The following NAT9 variants were observed in gnomAD, a reference collection of about 807,000 sequenced individuals.
NAT9 encodes the protein alpha/beta-tubulin-N-acetyltransferase 9.
In NAT9, 18 loss-of-function variants were observed where a neutral mutation model predicts 24.0. The observed-to-expected ratio is 0.75, with a 90% CI of 0.52 to 1.11. The LOEUF (loss-of-function observed/expected upper bound fraction) is 1.11, where lower values mean the gene tolerates loss of function less well. NAT9 is among the 50% of genes most tolerant of loss of function. The pLI is 0.00. For synonymous variants in NAT9, 104 were observed against 102.3 expected, an observed-to-expected ratio of 1.02 and a Z score of -0.10; for missense variants, 254 against 258.6, an observed-to-expected ratio of 0.98 and a Z score of 0.12.
intron 4 of NAT9, 54 bp from the exon 5 acceptor site, chr17:74,772,331 GCACTTGGCAGA>G: frequency 6.3e-7 from 1 of 1,599,740 alleles, no homozygotes; most frequent in South Asian, 1.1e-5. Context: ...TCCAGTGCGG[GCACTTGGCAGA>G]CACCATCTCA....
intron 3 of NAT9, chr17:74,773,272 G>A (rs878905): frequency 0.5 from 299,565 of 602,250 alleles, 75,803 homozygotes; most frequent in Admixed American, 0.54. Flanking sequence ...ACAGAGGAGG[G>A]CAGTCACCAC....
At chr17:74,774,636 C>T (rs1385964909) in intron 2 of NAT9, among the ~76,000 whole-genome samples, 1 of 150,430 alleles carries the variant, frequency 6.6e-6, no homozygotes, top group Non-Finnish European at 1.5e-5. Context: ...CTGTAAGCTC[C>T]GCCTCCCGGG....
intron 4 of NAT9, 72 bp from the exon 5 acceptor site, chr17:74,772,349 CTCATT>C: frequency 1.9e-6 from 3 of 1,576,332 alleles, no homozygotes; most frequent in South Asian, 2.3e-5. Flanking sequence ...CAGACACCAT[CTCATT>C]TAATTCTCAA....
intron 4 of NAT9, chr17:74,772,544 A>G: frequency 7.1e-7 from 1 of 1,407,288 alleles, no homozygotes; most frequent in Non-Finnish European, 9.2e-7. Flanking sequence ...GAAACTGAGG[A>G]CCATGAAGGA....
At chr17:74,773,213 C>A in intron 3 of NAT9, 174 bp from the exon 4 acceptor site, 1 of 804,624 alleles carries the variant, frequency 1.2e-6, no homozygotes, top group Non-Finnish European at 1.9e-6. Flanking sequence ...CTGCCTCATA[C>A]AGAAAAAGCC....
Position 74,773,660 on chromosome 17 carries a change from C to T in NAT9, c.106G>A (p.Glu36Lys). The T allele has an allele frequency of 1.2e-6, 2 of 1,614,088 alleles. No homozygotes were observed. The highest frequency in any genetic ancestry group is 8.5e-7 in the Non-Finnish European group (1 of 1,180,004). Residue 36 changes from glutamate (E) to lysine (K), a missense_variant, in exon 3 of 7, where the codon GAG becomes AAG. By Grantham distance (56) the Glu-to-Lys change is moderately conservative. Transcript: ENST00000357814. Reference protein sequence around the residue: ...SRYHEWMKSEELQRLTASEPL... With the variant: ...SRYHEWMKSEKLQRLTASEPL... ...TCCGAGGCTGTCAAACGCTGCAGCT[C>T]CTCTGATTTCATCCACTCGTGGTAC...
rs540280562 is a variant in NAT9 at position 74,773,045 on chromosome 17, G to A, written c.191-6C>T. 5.0e-6 allele frequency: 8 copies of A among 1,613,522 alleles called. No individual in the cohort carries two copies. Among genetic ancestry groups the A allele is most frequent in the Admixed American group, 3.3e-5 (2 of 59,974 alleles). On this transcript the variant is annotated splice_region_variant and splice_polypyrimidine_tract_variant and intron_variant, in intron 3 of 6. Coordinates refer to ENST00000357814, the MANE Select transcript of NAT9 (RefSeq NM_015654.5). ...CAGCACAATGAAGGTACACTCTGAGGAGGAGGTGACAGGGCTATCACACAC... is the reference window on the plus strand; with the variant it reads ...CAGCACAATGAAGGTACACTCTGAGAAGGAGGTGACAGGGCTATCACACAC...
chr17:74,772,780 C>T, intron 4 of NAT9, 116 bp downstream of exon 4: 1 of 1,480,092 alleles, frequency 6.8e-7, no homozygotes, highest in Non-Finnish European at 9.2e-7. Flanking sequence ...CCTGGACTCA[C>T]CACATGGAGC....
intron 2 of NAT9, among the ~76,000 whole-genome samples, chr17:74,774,621 G>A (rs1304879317): frequency 6.7e-6 from 1 of 149,958 alleles, no homozygotes; most frequent in African/African-American, 2.5e-5. Context: ...CGCGATCTCG[G>A]CTCACTGTAA....
In NAT9 at chr17:74,773,008, C is replaced by T; in HGVS notation, c.222G>A (p.Lys74=). ...KCTFIVLDAE[K]WQAQPGATEE... ...CGGTGGCGCCTGGCTGGGCCTGCCA[C>T]TTCTCGGCATCCAGCACAATGAAGG... is the stretch of plus-strand genomic sequence containing the variant. The change falls in exon 4 of 7, where the codon AAG becomes AAA. Residue 74 remains lysine, a synonymous_variant. Transcript: ENST00000357814. 5.0e-6 allele frequency: 8 copies of T among 1,614,096 alleles called. No individual in the cohort carries two copies. Among genetic ancestry groups the T allele is most frequent in the Non-Finnish European group, 2.5e-6 (3 of 1,180,010 alleles).
chr17:74,772,855 G>C (rs774972887), intron 4 of NAT9, 41 bp downstream of exon 4: 1 of 1,612,130 alleles, frequency 6.2e-7, no homozygotes, highest in South Asian at 1.1e-5. Context: ...GCAGATCTGA[G>C]AGCCGGGAGT....
In NAT9 at chr17:74,771,462, C is replaced by G. The variant is rs1275240714; in HGVS notation, c.*262G>C. ...TCATCCCGACATCTCCCATGGATCC[C>G]TGCCCTCCATTCCAGCTTCCTAGAG... On this transcript the variant is annotated 3_prime_UTR_variant, in exon 7 of 7. Transcript: ENST00000357814. The G allele has an allele frequency of 1.8e-6, 1 of 561,770 alleles. No individual in the cohort carries two copies. The highest frequency in any genetic ancestry group is 3.1e-5 in the East Asian group (1 of 32,722). The allele number at this position is 561,770 out of a possible 1,614,324, so 34.8% of individuals were successfully genotyped here. A position where few individuals can be genotyped will look rare whatever the true frequency, so the allele number is the denominator to read the frequency against.
chr17:74,772,512 G>A, intron 4 of NAT9: 1 of 1,419,678 alleles, frequency 7.0e-7, no homozygotes, highest in Non-Finnish European at 9.2e-7. Flanking sequence ...GCCTCATGGG[G>A]ATAGTCAGTA....
intron 1 of NAT9, 58 bp from the exon 2 acceptor site, chr17:74,775,765 G>A: frequency 6.8e-7 from 1 of 1,476,002 alleles, no homozygotes. Flanking sequence ...CCAACTTTGG[G>A]TAGGCGCTCC....
At chr17:74,775,851 T>C in intron 1 of NAT9, 144 bp from the exon 2 acceptor site, 1 of 570,306 alleles carries the variant, frequency 1.8e-6, no homozygotes, top group Non-Finnish European at 3.1e-6. Flanking sequence ...GACTCCAAAA[T>C]TCTTGCAAGA....
intron 2 of NAT9, among the ~76,000 whole-genome samples, chr17:74,775,077 G>C (rs2035825657): frequency 1.3e-5 from 2 of 151,264 alleles, no homozygotes; most frequent in Admixed American, 1.3e-4. Flanking sequence ...GGCTGGTCTT[G>C]AACTACTGAC....
At chr17:74,773,549 TA>T (rs758760029) in intron 3 of NAT9, 26 bp downstream of exon 3, 580 of 1,587,724 alleles carry the variant, frequency 3.7e-4, no homozygotes, top group Non-Finnish European at 4.8e-4. Flanking sequence ...GTACCAGGGC[TA>T]GGGGAAGTGG....
Position 74,772,199 on chromosome 17 carries a change from T to C in NAT9, c.394+19A>G. On this transcript the variant is annotated intron_variant, in intron 5 of 6. Coordinates refer to ENST00000357814, the MANE Select transcript of NAT9 (RefSeq NM_015654.5). Reference sequence around the variant, plus strand: ...TGGGGCCTGCCCACTTCCCGCATTGTCTGCTCACACTTTCTTACCGTAAGA... The same window carrying C: ...TGGGGCCTGCCCACTTCCCGCATTGCCTGCTCACACTTTCTTACCGTAAGA... 1 of 1,614,216 alleles carries C rather than the reference T, an allele frequency of 6.2e-7. No homozygotes were observed. Among genetic ancestry groups the C allele is most frequent in the Non-Finnish European group, 8.5e-7 (1 of 1,180,046 alleles).
In NAT9 at chr17:74,771,793, C is replaced by G. The variant is rs1345571913; in HGVS notation, c.555G>C (p.Gln185His). The change falls in exon 7 of 7, where the codon CAG becomes CAC. Residue 185 changes from glutamine (Q) to histidine (H), a missense_variant. Physicochemically the swap from Gln to His is conservative, Grantham distance 24 (BLOSUM62 0). Coordinates refer to ENST00000357814, the MANE Select transcript of NAT9 (RefSeq NM_015654.5). The stretch of plus-strand genomic sequence containing the variant: ...CGTGGCTGGTCTGCTCCAGAAGCCA[C>G]TGATGCTCGGACTCACTCACTGTCA... ...LRLTVSESEH[Q>H]WLLEQTSHVE... The G allele has an allele frequency of 1.2e-6, 2 of 1,614,090 alleles. No individual in the cohort carries two copies. Among genetic ancestry groups the G allele is most frequent in the Non-Finnish European group, 1.7e-6 (2 of 1,180,046 alleles).
Sources: allele counts gnomAD v4.1 joint callset (sites outside exome capture counted in the v4.1 genomes callset), GRCh38; gene constraint gnomAD v4.1.1; transcripts MANE v1.5; gene names NCBI Gene and HGNC (gene_info 2026-07-23, HGNC 2026-07-21).